Variants in DOK4 observed in about 807,000 individuals in gnomAD.
The protein encoded by DOK4 is downstream of tyrosine kinase 4.
Under a neutral mutation model 40.1 loss-of-function variants are expected in DOK4, and 26 were observed. The observed-to-expected ratio is 0.65, with a 90% CI of 0.48 to 0.90. DOK4 has a LOEUF of 0.90. Ranked by LOEUF, DOK4 falls within the 40% of genes least tolerant of loss-of-function variation. The pLI, the probability that DOK4 is intolerant of heterozygous loss-of-function variation, is 0.00. For synonymous variants in DOK4, 179 were observed against 177.0 expected, an observed-to-expected ratio of 1.01 and a Z score of -0.09; for missense variants, 392 against 437.2, an observed-to-expected ratio of 0.90 and a Z score of 0.92.
Position 57,479,649 on chromosome 16 carries a change from G to A in DOK4, c.-142C>T, listed in dbSNP as rs2031343408. On this transcript the variant is annotated 5_prime_UTR_variant, in exon 2 of 9. Coordinates refer to ENST00000340099, the Ensembl canonical transcript of DOK4. This position sits in a 1 kb window ranked among gnomAD's most constrained non-coding sequence, Gnocchi z 5.8. ...CGAGGGGCTGCTCCTCACCTCACCCGCCTCAGCATTGTTCTAGCAGCTCCT... is the reference window on the plus strand; with the variant it reads ...CGAGGGGCTGCTCCTCACCTCACCCACCTCAGCATTGTTCTAGCAGCTCCT... 7 of 785,976 alleles carry A rather than the reference G, an allele frequency of 8.9e-6. No homozygotes were observed. The highest frequency in any genetic ancestry group is 2.1e-5 in the Admixed American group (1 of 47,826). The allele number at this position is 785,976 out of a possible 1,614,324, so 48.7% of individuals were successfully genotyped here. A position where few individuals can be genotyped will look rare whatever the true frequency, so the allele number is the denominator to read the frequency against.
At chr16:57,484,689 C>A (rs935001196) in intron 1 of DOK4, among the ~76,000 whole-genome samples, 1 of 152,182 alleles carries the variant, frequency 6.6e-6, no homozygotes, top group African/African-American at 2.4e-5. Flanking sequence ...TTCCCACCTA[C>A]AACATTGTTC....
chr16:57,476,043 A>AC, intron 2 of DOK4, 86 bp from the exon 3 acceptor site: 1 of 1,217,722 alleles, frequency 8.2e-7, no homozygotes, highest in Non-Finnish European at 1.2e-6. Flanking sequence ...TGCCTGCCAC[A>AC]GGGGGCGGTG....
exon 9 of DOK4, chr16:57,473,350 A>C (rs772943177): frequency 6.2e-7 from 1 of 1,601,564 alleles, no homozygotes; most frequent in Non-Finnish European, 8.5e-7. Flanking sequence ...AGCCCCCAGC[A>C]GTCATCGGTG....
Position 57,476,451 on chromosome 16 carries a change from G to A in DOK4, c.67-494C>T, listed in dbSNP as rs115931648. 692 of 160,010 alleles carry A rather than the reference G, an allele frequency of 4.3e-3. 3 individuals are homozygous for A. Among genetic ancestry groups the A allele is most frequent in the African/African-American group, 0.015 (634 of 41,652 alleles). 9.9% of individuals were successfully genotyped at this position (160,010 alleles called of 1,614,324 possible). A position where few individuals can be genotyped will look rare whatever the true frequency, so the allele number is the denominator to read the frequency against. On this transcript the variant is annotated intron_variant, in intron 2 of 8. Transcript: ENST00000340099. ...GGCAGACCCTCACAGCCCACTGCAG[G>A]ATCTGGCCAGGGCTCAGGCAGTGCC...
intron 1 of DOK4, among the ~76,000 whole-genome samples, chr16:57,483,203 T>C (rs2031463309): frequency 3.3e-5 from 5 of 152,038 alleles, no homozygotes; most frequent in Admixed American, 3.3e-4. Flanking sequence ...GACCCACAAA[T>C]TTGACAGGCA....
At chr16:57,476,012 G>T in intron 2 of DOK4, 55 bp from the exon 3 acceptor site, 1 of 1,431,744 alleles carries the variant, frequency 7.0e-7, no homozygotes, top group Non-Finnish European at 9.6e-7. Flanking sequence ...CACCCCACCA[G>T]CATGGCCCTG....
intron 1 of DOK4, among the ~76,000 whole-genome samples, chr16:57,480,886 C>T (rs2031388362): frequency 6.6e-6 from 1 of 152,120 alleles, no homozygotes; most frequent in African/African-American, 2.4e-5. Flanking sequence ...TGGGGCAGAG[C>T]CAGGGATGAA....
At chr16:57,474,134 A>G (rs2031032173) in intron 6 of DOK4, 95 bp from the exon 7 acceptor site, 16 of 1,553,186 alleles carry the variant, frequency 1.0e-5, no homozygotes, top group Non-Finnish European at 1.3e-5. Flanking sequence ...TTGTGGTTGC[A>G]TTCCAGGCCG....
At chr16:57,476,242 A>C in intron 2 of DOK4, 2 of 430,694 alleles carry the variant, frequency 4.6e-6, no homozygotes, top group South Asian at 5.0e-5. Flanking sequence ...CGCTGAGTTT[A>C]GTGTGAGTAG....
chr16:57,483,174 AGGTCAG>A (rs1448145754), intron 1 of DOK4, among the ~76,000 whole-genome samples: 2 of 152,230 alleles, frequency 1.3e-5, no homozygotes, highest in Non-Finnish European at 2.9e-5. Flanking sequence ...GGGGAGGGAA[AGGTCAG>A]GGCCAATAGG....
At chr16:57,474,680 G>A in intron 6 of DOK4, 113 bp downstream of exon 6, 1 of 1,314,490 alleles carries the variant, frequency 7.6e-7, no homozygotes, top group Non-Finnish European at 1.0e-6. Context: ...TTCCCCCTTG[G>A]GATTGCTAGG....
intron 8 of DOK4, 35 bp downstream of exon 8, chr16:57,473,578 C>T: frequency 6.2e-7 from 1 of 1,614,244 alleles, no homozygotes; most frequent in South Asian, 1.1e-5. Flanking sequence ...ACAAAGCCTC[C>T]TGGCAGGTGG....
chr16:57,476,072 A>T, intron 2 of DOK4, 115 bp from the exon 3 acceptor site: 1 of 868,774 alleles, frequency 1.2e-6, no homozygotes, highest in Non-Finnish European at 1.8e-6. Flanking sequence ...CCTTCCCTGG[A>T]GCCCCAGCCT....
chr16:57,472,058 C>T (rs187705640), exon 9 of DOK4: 14 of 152,956 alleles, frequency 9.2e-5, no homozygotes, highest in Non-Finnish European at 2.1e-4. Flanking sequence ...CTCTGCCTCC[C>T]TCCCCAAAGA....
chr16:57,480,558 G>T (rs913971199), intron 1 of DOK4: 1 of 152,460 alleles, frequency 6.6e-6, no homozygotes, highest in Non-Finnish European at 1.5e-5. Flanking sequence ...GCCCCAACAG[G>T]CCACTGGGTC....
At chr16:57,472,620 G>C (rs1172435892) in exon 9 of DOK4, 1 of 152,590 alleles carries the variant, frequency 6.6e-6, no homozygotes. Context: ...CCTGGGGCAG[G>C]AACAAGCTCC....
chr16:57,475,608 T>G (rs778321743), exon 4 of DOK4: 5 of 1,602,548 alleles, frequency 3.1e-6, no homozygotes, highest in Non-Finnish European at 4.3e-6. Context: ...TTGACGTTGC[T>G]GATCTCAGTC....
chr16:57,484,782 C>A lies in DOK4; in HGVS notation c.-182+1523G>T, dbSNP rs538464724. Among the ~76,000 whole-genome samples the A allele has an allele frequency of 3.3e-5, 5 of 152,380 alleles. No individual in the cohort carries two copies. The South Asian group carries it at 1.0e-3, about 32-fold the overall frequency. On this transcript the variant is annotated intron_variant, in intron 1 of 8. Coordinates refer to ENST00000340099, the Ensembl canonical transcript of DOK4. The stretch of plus-strand genomic sequence containing the variant: ...CTGACTACCCTCACCAAAGGACCCC[C>A]ACTAGTCAGCCTCTCTCACAACATC...
At chr16:57,480,726 A>G (rs1399737034) in intron 1 of DOK4, among the ~76,000 whole-genome samples, 1 of 152,074 alleles carries the variant, frequency 6.6e-6, no homozygotes, top group Non-Finnish European at 1.5e-5. Context: ...CAGCAGAGCC[A>G]CCCCAAATCA....
Sources: allele counts gnomAD v4.1 joint callset (sites outside exome capture counted in the v4.1 genomes callset), GRCh38; gene constraint gnomAD v4.1.1; non-coding constraint Gnocchi (gnomAD v3.1); transcripts MANE v1.5; gene names NCBI Gene and HGNC (gene_info 2026-07-23, HGNC 2026-07-21).